UTY: variants seen among roughly 807,000 people sequenced by gnomAD.
The protein encoded by UTY is histone demethylase UTY.
A neutral mutation model predicts 32.5 loss-of-function variants in UTY; 12 were observed. That is an observed-to-expected ratio of 0.37 (90% CI 0.24 to 0.60). UTY has a LOEUF of 0.60. UTY is among the 20% of genes least tolerant of loss of function. The pLI, the probability that UTY is intolerant of heterozygous loss-of-function variation, is 0.69. For synonymous variants in UTY, 131 were observed against 103.4 expected (o/e 1.27, Z -1.62); for missense variants, 303 against 299.2 (o/e 1.01, Z -0.09).
intron 27 of UTY, among the ~76,000 whole-genome samples, chrY:13,294,657 A>G (rs2057922603): frequency 2.9e-5 from 1 of 34,372 alleles, no homozygotes; most frequent in East Asian, 7.5e-4. Context: ...AGAAATATGG[A>G]AAGATGCCGG....
intron 26 of UTY, among the ~76,000 whole-genome samples, chrY:13,298,113 A>G (rs2058165134): frequency 3.0e-5 from 1 of 33,649 alleles, no homozygotes; most frequent in East Asian, 7.6e-4. Context: ...GTAGAAGAAG[A>G]AAGTGGTTTG....
chrY:13,315,874 C>T, intron 21 of UTY, among the ~76,000 whole-genome samples: 1 of 32,007 alleles, frequency 3.1e-5, no homozygotes, highest in Non-Finnish European at 7.6e-5. Context: ...CTGAAGACCA[C>T]CTCCCCAGAA....
rs13447376 is a variant in UTY at position 13,357,860 on chromosome Y, C to A, written c.1569+17G>T. On this transcript the variant is annotated intron_variant, in intron 15 of 29. Coordinates refer to ENST00000545955, the MANE Select transcript of UTY (RefSeq NM_001258249.2). ...ACTGCTTTCGAATTGGGGGAAAGAT[C>A]GTCAAAGAATTCATACCTGTAATTT... 3.8e-4 allele frequency: 143 copies of A among 379,292 alleles called. No individual in the cohort carries two copies. In the Middle Eastern group the frequency reaches 0.018, roughly 48 times the overall value. The allele number at this position is 379,292 out of a possible 400,897, so 94.6% of individuals were successfully genotyped here. A position where few individuals can be genotyped will look rare whatever the true frequency, so the allele number is the denominator to read the frequency against.
intron 14 of UTY, 66 bp from the exon 15 acceptor site, chrY:13,358,035 T>C: frequency 7.7e-6 from 2 of 260,136 alleles, no homozygotes; most frequent in South Asian, 7.3e-5. Flanking sequence ...GAGTTATGAC[T>C]AGTGAGAACC....
At chrY:13,390,722 A>G in intron 8 of UTY, among the ~76,000 whole-genome samples, 1 of 33,568 alleles carries the variant, frequency 3.0e-5, no homozygotes, top group Non-Finnish European at 7.4e-5. Context: ...TGTAATCATC[A>G]TAACAACACA....
At chrY:13,287,107 C>T in intron 27 of UTY, 1 of 347,642 alleles carries the variant, frequency 2.9e-6, no homozygotes, top group South Asian at 3.1e-5. Context: ...TGTGATCCTG[C>T]AGGTTACTAT....
intron 18 of UTY, among the ~76,000 whole-genome samples, chrY:13,326,974 A>T: frequency 2.9e-5 from 1 of 33,933 alleles, no homozygotes; most frequent in Non-Finnish European, 7.3e-5. Flanking sequence ...ATTACTTAAC[A>T]GTATTTGGAT....
At chrY:13,434,465 T>C in intron 4 of UTY, among the ~76,000 whole-genome samples, 1 of 33,926 alleles carries the variant, frequency 2.9e-5, no homozygotes, top group African/African-American at 1.2e-4. Flanking sequence ...CCTCCCAACG[T>C]AGGCCAGTGC....
intron 8 of UTY, among the ~76,000 whole-genome samples, chrY:13,388,549 T>C (rs2067168173): frequency 3.0e-5 from 1 of 33,748 alleles, no homozygotes; most frequent in African/African-American, 1.2e-4. Context: ...GGTAGCTCTA[T>C]TTTTAATTTT....
At chrY:13,323,357 T>C (rs372971690) in intron 21 of UTY, 198 bp downstream of exon 21, 1 of 112,390 alleles carries the variant, frequency 8.9e-6, no homozygotes, top group Non-Finnish European at 1.7e-5. Flanking sequence ...GATCACACCA[T>C]TGCATTCCAG....
chrY:13,292,162 A>T, intron 27 of UTY, among the ~76,000 whole-genome samples: 1 of 33,451 alleles, frequency 3.0e-5, no homozygotes, highest in Non-Finnish European at 7.4e-5. Flanking sequence ...AAAGATATTC[A>T]GAAACAGGCC....
intron 4 of UTY, among the ~76,000 whole-genome samples, chrY:13,416,515 A>T: frequency 2.9e-5 from 1 of 33,918 alleles, no homozygotes; most frequent in South Asian, 6.4e-4. Context: ...TTGACATAGA[A>T]AATCCTTCAA....
intron 3 of UTY, among the ~76,000 whole-genome samples, chrY:13,450,888 T>C: frequency 3.3e-5 from 1 of 30,441 alleles, no homozygotes; most frequent in East Asian, 8.5e-4. Context: ...ATGCCCAGAA[T>C]GGCTAACTGA....
intron 8 of UTY, among the ~76,000 whole-genome samples, chrY:13,386,865 C>G: frequency 3.0e-5 from 1 of 32,799 alleles, no homozygotes; most frequent in South Asian, 6.8e-4. Context: ...TGCCTGTAAT[C>G]CCATGTGCCT....
intron 9 of UTY, among the ~76,000 whole-genome samples, chrY:13,367,294 T>C: frequency 3.0e-5 from 1 of 33,471 alleles, no homozygotes; most frequent in Admixed American, 2.8e-4. Context: ...ATTATTAATG[T>C]CACAGCATTA....
intron 27 of UTY, chrY:13,287,404 G>A (rs1025741501): frequency 3.3e-6 from 1 of 304,472 alleles, no homozygotes; most frequent in South Asian, 3.2e-5. Flanking sequence ...TACCAGATCC[G>A]TGATGCCACT....
intron 4 of UTY, among the ~76,000 whole-genome samples, chrY:13,420,839 TGATAA>T: frequency 3.0e-5 from 1 of 33,441 alleles, no homozygotes; most frequent in South Asian, 6.5e-4. Context: ...AAAAATTTCA[TGATAA>T]ATACACCAAA....
intron 3 of UTY, among the ~76,000 whole-genome samples, chrY:13,458,210 G>A: frequency 3.0e-5 from 1 of 33,556 alleles, no homozygotes; most frequent in Admixed American, 2.7e-4. Context: ...TGTGAATAGT[G>A]CCGATATAAA....
At chrY:13,413,972 T>C in intron 5 of UTY, among the ~76,000 whole-genome samples, 1 of 34,668 alleles carries the variant, frequency 2.9e-5, no homozygotes, top group African/African-American at 1.1e-4. Context: ...AAACAGGTCT[T>C]GTGAAGCGGC....
Sources: gnomAD v4.1 joint callset for allele counts (sites outside exome capture counted in the v4.1 genomes callset) on GRCh38, gnomAD v4.1.1 for gene constraint, MANE v1.5 for transcripts, NCBI Gene and HGNC (gene_info 2026-07-23, HGNC 2026-07-21) for gene names.